The following CUBN variants were observed in gnomAD, a reference collection of about 807,000 sequenced individuals.
CUBN encodes the protein 460 kDa receptor.
CUBN carries 282 observed loss-of-function variants against 405.3 expected under a neutral mutation model. The observed-to-expected ratio is 0.70, with a 90% CI of 0.63 to 0.77. The LOEUF (loss-of-function observed/expected upper bound fraction) is 0.77. Ranked by LOEUF, CUBN falls within the 30% of genes least tolerant of loss-of-function variation. CUBN has a pLI of 0.00. For synonymous variants in CUBN, 1,684 were observed against 1,617.0 expected (o/e 1.04, Z -0.99); for missense variants, 4,514 against 4,475.2 (o/e 1.01, Z -0.25).
chr10:17,110,433 T>C (rs1022644971), intron 9 of CUBN, among the ~76,000 whole-genome samples: 1 of 152,244 alleles, frequency 6.6e-6, no homozygotes, highest in Non-Finnish European at 1.5e-5. Flanking sequence ...AAAATGTTTT[T>C]TCTTTCTTAT....
At chr10:16,990,996 AG>A (rs1833568935) in intron 28 of CUBN, among the ~76,000 whole-genome samples, 2 of 152,196 alleles carry the variant, frequency 1.3e-5, no homozygotes, top group African/African-American at 4.8e-5. Context: ...AAAAATCCTT[AG>A]CTTTGTACCA....
At chr10:17,069,658 CA>C (rs1165781777) in intron 19 of CUBN, among the ~76,000 whole-genome samples, 1 of 152,170 alleles carries the variant, frequency 6.6e-6, no homozygotes, top group Non-Finnish European at 1.5e-5. Flanking sequence ...ATCCTCCTAC[CA>C]CAGCCTTCTG....
At chr10:16,992,225 A>C (rs1833611056) in intron 28 of CUBN, among the ~76,000 whole-genome samples, 1 of 150,612 alleles carries the variant, frequency 6.6e-6, no homozygotes, top group Non-Finnish European at 1.5e-5. Context: ...GGAACATCAC[A>C]CACCAAGGTC....
At chr10:17,029,970 A>C (rs1367145396) in intron 27 of CUBN, among the ~76,000 whole-genome samples, 5 of 152,220 alleles carry the variant, frequency 3.3e-5, no homozygotes, top group African/African-American at 1.2e-4. Context: ...AATGCTATAG[A>C]GCAAGAGCCC....
At chr10:16,983,381 A>T (rs570560836) in intron 30 of CUBN, among the ~76,000 whole-genome samples, 35 of 152,300 alleles carry the variant, frequency 2.3e-4, no homozygotes, top group African/African-American at 7.2e-4. Flanking sequence ...GCCATAAGGT[A>T]GTCTGGAATC....
chr10:16,858,215 G>A (rs1228590508), intron 59 of CUBN, among the ~76,000 whole-genome samples: 1 of 152,140 alleles, frequency 6.6e-6, no homozygotes, highest in African/African-American at 2.4e-5. Context: ...ACATAGTAAA[G>A]ACATCAGTTT....
At position 16,874,419 on chromosome 10, in the gene CUBN, C is replaced by T. The variant is rs1279726638; in HGVS notation, c.9191G>A (p.Cys3064Tyr). 6 of 1,614,004 alleles carry T rather than the reference C, an allele frequency of 3.7e-6. No individual in the cohort carries two copies. Among genetic ancestry groups the T allele is most frequent in the South Asian group, 1.1e-5 (1 of 91,078 alleles). ...GTCACTAACGGTGATGGTATACAGA[C>T]AGTGCATATCATTTGGGTAGTCTGC... ...SYADYPNDMH[C>Y]LYTITVSDDK... The change falls in exon 58 of 67, where the codon TGT becomes TAT. Residue 3064 changes from cysteine to tyrosine, a missense_variant. Cys to Tyr is a radical substitution (Grantham distance 194). Coordinates refer to ENST00000377833, the MANE Select transcript of CUBN (RefSeq NM_001081.4).
intron 19 of CUBN, 107 bp downstream of exon 19, chr10:17,071,319 T>C (rs1835733927): frequency 8.7e-7 from 1 of 1,152,158 alleles, no homozygotes; most frequent in African/African-American, 1.5e-5. Context: ...GACATATTGG[T>C]CTACATAAAC....
chr10:16,843,854 G>A (rs1278054707), intron 60 of CUBN, among the ~76,000 whole-genome samples: 1 of 152,138 alleles, frequency 6.6e-6, no homozygotes, highest in Admixed American at 6.5e-5. Context: ...ATAAATATAT[G>A]TGTATATAAA....
At chr10:16,893,394 TCG>T (rs1491293708) in intron 54 of CUBN, among the ~76,000 whole-genome samples, 1 of 44,832 alleles carries the variant, frequency 2.2e-5, no homozygotes, top group African/African-American at 6.5e-5. Context: ...TTACTTGAAC[TCG>T]TGTGTGTGTG....
At chr10:17,023,413 G>A (rs1333260868) in intron 27 of CUBN, among the ~76,000 whole-genome samples, 1 of 150,746 alleles carries the variant, frequency 6.6e-6, no homozygotes, top group African/African-American at 2.4e-5. Flanking sequence ...GTTTTTTAAA[G>A]TTTGCCGTTA....
Position 16,982,532 on chromosome 10 carries a change from G to C in CUBN, c.4647C>G (p.Leu1549=). 1 of 1,613,850 alleles carries C rather than the reference G, an allele frequency of 6.2e-7. No homozygotes were observed. Among genetic ancestry groups the C allele is most frequent in the Non-Finnish European group, 8.5e-7 (1 of 1,179,780 alleles). The change falls in exon 31 of 67, where the codon CTC becomes CTG. Residue 1549 remains leucine (L), a synonymous_variant. Transcript: ENST00000377833. ...CAAGATCAAAGTCAGTGAAGTTCAA[G>C]AGAACACGATGATTTCTGTCAACCC... ...VIRVDRNHRV[L]LNFTDFDLEP... is the part of the protein sequence containing the mutation.
rs139990077 is a variant in CUBN, at chr10:16,899,182, A to G, written c.8412T>C (p.Gly2804=). 422 of 1,612,922 alleles carry G rather than the reference A, an allele frequency of 2.6e-4. No individual in the cohort carries two copies. Among genetic ancestry groups the G allele is most frequent in the Non-Finnish European group, 3.2e-4 (379 of 1,178,954 alleles). The change falls in exon 54 of 67, where the codon GGT becomes GGC. Residue 2804 remains glycine (G), a splice_region_variant and synonymous_variant. Transcript: ENST00000377833. The part of the protein sequence containing the change: ...FYATWNTQTL[G]CGGIFHSDNG... ...TATCAGAATGAAATATTCCACCACA[A>G]CCTGAAATATTGCCATGTAAAAAGC...
At chr10:16,889,935 C>CAAAAAAA (rs1554788544) in intron 55 of CUBN, among the ~76,000 whole-genome samples, 1 of 19,902 alleles carries the variant, frequency 5.0e-5, no homozygotes, top group African/African-American at 2.1e-4. Context: ...GACGCCGTGT[C>CAAAAAAA]AAAAAAAAAA....
chr10:16,919,524 A>G (rs1046751611), intron 44 of CUBN, among the ~76,000 whole-genome samples: 45 of 152,376 alleles, frequency 3.0e-4, no homozygotes, highest in Middle Eastern at 3.4e-3. Flanking sequence ...CTGAGAAATT[A>G]TACTGTGCAT....
At chr10:17,006,949 C>G (rs1294631528) in intron 28 of CUBN, among the ~76,000 whole-genome samples, 1 of 152,164 alleles carries the variant, frequency 6.6e-6, no homozygotes, top group Non-Finnish European at 1.5e-5. Context: ...TGATCACATG[C>G]CCCTTAGCCC....
chr10:16,962,265 C>T (rs78114045), intron 31 of CUBN, among the ~76,000 whole-genome samples: 20,635 of 151,982 alleles, frequency 0.14, 1,744 homozygotes, highest in Non-Finnish European at 0.19. Flanking sequence ...AGATGTTAGC[C>T]TCTAGTATCA....
At chr10:16,930,046 G>C (rs1842318210) in intron 40 of CUBN, among the ~76,000 whole-genome samples, 1 of 152,206 alleles carries the variant, frequency 6.6e-6, no homozygotes, top group Admixed American at 6.5e-5. Flanking sequence ...GAGTACTGGG[G>C]TATTTCTGGA....
intron 28 of CUBN, among the ~76,000 whole-genome samples, chr10:17,010,639 G>GATAA (rs150726681): frequency 1.6e-4 from 18 of 112,714 alleles, no homozygotes; most frequent in African/African-American, 4.5e-4. Context: ...ATCCTATCTT[G>GATAA]ATAAATAAAT....
Sources: allele counts gnomAD v4.1 joint callset (sites outside exome capture counted in the v4.1 genomes callset), GRCh38; gene constraint gnomAD v4.1.1; transcripts MANE v1.5; gene names NCBI Gene and HGNC (gene_info 2026-07-23, HGNC 2026-07-21).